The following HTR7 variants were observed in gnomAD, a reference collection of about 807,000 sequenced individuals.
HTR7 encodes 5-HT-7.
In HTR7, 16 loss-of-function variants were observed where a neutral mutation model predicts 34.0. The ratio of observed to expected loss-of-function variants is 0.47; its 90% confidence interval spans 0.32 to 0.71. The LOEUF (loss-of-function observed/expected upper bound fraction) is 0.71. Ranked by LOEUF, HTR7 falls within the 30% of genes least tolerant of loss-of-function variation. HTR7 has a pLI of 0.04. For missense variants in HTR7, 504 were observed against 625.5 expected (o/e 0.81, Z 2.07); for synonymous variants, 265 against 260.2 (o/e 1.02, Z -0.18).
At chr10:90,825,429 C>T (rs936040936) in intron 1 of HTR7, among the ~76,000 whole-genome samples, 1 of 152,198 alleles carries the variant, frequency 6.6e-6, no homozygotes, top group Non-Finnish European at 1.5e-5. Flanking sequence ...AAATACCTAA[C>T]TCTTCAATGC....
At chr10:90,827,725 A>G (rs1846100286) in intron 1 of HTR7, among the ~76,000 whole-genome samples, 1 of 152,214 alleles carries the variant, frequency 6.6e-6, no homozygotes, top group Non-Finnish European at 1.5e-5. Flanking sequence ...GTACCCAGAT[A>G]TATAAAGAAA....
At chr10:90,850,449 A>G (rs1846481042) in intron 1 of HTR7, among the ~76,000 whole-genome samples, 1 of 152,186 alleles carries the variant, frequency 6.6e-6, no homozygotes. Flanking sequence ...AAATAACATC[A>G]TCTACAGCAT....
At position 90,749,487 on chromosome 10, in the gene HTR7, G is replaced by A. The variant is rs1287740579; in HGVS notation, c.647C>T (p.Pro216Leu). 6.2e-7 allele frequency: 1 copy of A among 1,614,196 alleles called. No homozygotes were observed. The highest frequency in any genetic ancestry group is 8.5e-7 in the Non-Finnish European group (1 of 1,180,028). The change falls in exon 2 of 4, where the codon CCT becomes CTT. Residue 216 changes from proline to leucine, a missense_variant. Pro to Leu is a moderately conservative substitution (Grantham distance 98, BLOSUM62 -3). Coordinates refer to ENST00000336152, the MANE Select transcript of HTR7 (RefSeq NM_019859.4). The surrounding 1 kb of genome is among the most constrained non-coding windows in gnomAD (Gnocchi z 4.2). ...ATTCTGAGCCCATCCAAAGAGTGGA[G>A]GTAAGGTGATGGAGGCGGAGAGAAG... ...VWLLSASITLPPLFGWAQNVN... is the reference protein window; with the variant it reads ...VWLLSASITLLPLFGWAQNVN...
intron 2 of HTR7, 43 bp downstream of exon 2, chr10:90,748,796 A>T: frequency 6.5e-7 from 1 of 1,549,714 alleles, no homozygotes; most frequent in Non-Finnish European, 8.7e-7. Flanking sequence ...GCTGCATAAA[A>T]GGGTTTGGGG....
At chr10:90,795,269 A>G (rs1196181988) in intron 1 of HTR7, among the ~76,000 whole-genome samples, 1 of 152,234 alleles carries the variant, frequency 6.6e-6, no homozygotes, top group African/African-American at 2.4e-5. Flanking sequence ...TTTACAAACC[A>G]ACAACAATGC....
chr10:90,838,100 T>C (rs1484242224), intron 1 of HTR7, among the ~76,000 whole-genome samples: 1 of 152,168 alleles, frequency 6.6e-6, no homozygotes. Flanking sequence ...TGAAGTATCA[T>C]TTACAATCAC....
At chr10:90,831,583 T>G (rs1034911380) in intron 1 of HTR7, among the ~76,000 whole-genome samples, 10 of 152,246 alleles carry the variant, frequency 6.6e-5, no homozygotes, top group Non-Finnish European at 1.3e-4. Flanking sequence ...GGGTTGCCAC[T>G]GCTGGCTCGC....
intron 1 of HTR7, among the ~76,000 whole-genome samples, chr10:90,817,824 G>A (rs1845919404): frequency 6.6e-6 from 1 of 152,102 alleles, no homozygotes; most frequent in East Asian, 1.9e-4. Context: ...ATTTCAAAAT[G>A]TCTTTCAACT....
chr10:90,743,738 T>C lies in HTR7; in HGVS notation c.1296-48A>G, dbSNP rs767618766. 9.3e-6 allele frequency: 13 copies of C among 1,400,860 alleles called. No homozygotes were observed. In the East Asian group the frequency reaches 2.7e-4, roughly 29 times the overall value. The allele number at this position is 1,400,860 out of a possible 1,614,324, so 86.8% of individuals were successfully genotyped here. A position where few individuals can be genotyped will look rare whatever the true frequency, so the allele number is the denominator to read the frequency against. ...GCAAATCCATAAGTAAATCAAATTT[T>C]AAAAGAAAAAAAGAATCCTTGATTA... On this transcript the variant is annotated intron_variant, in intron 2 of 3. Coordinates refer to ENST00000336152, the MANE Select transcript of HTR7 (RefSeq NM_019859.4).
intron 1 of HTR7, among the ~76,000 whole-genome samples, chr10:90,855,872 T>A (rs113397394): frequency 1.5e-3 from 221 of 152,370 alleles, no homozygotes; most frequent in African/African-American, 5.0e-3. Context: ...AGCTACAATG[T>A]GTTTTTCTTC....
chr10:90,768,814 G>C (rs541572505), intron 1 of HTR7, among the ~76,000 whole-genome samples: 1 of 152,088 alleles, frequency 6.6e-6, no homozygotes, highest in African/African-American at 2.4e-5. Flanking sequence ...CTTCAGATGA[G>C]AAAGATCAAA....
At chr10:90,770,256 G>C (rs1845086758) in intron 1 of HTR7, among the ~76,000 whole-genome samples, 1 of 152,210 alleles carries the variant, frequency 6.6e-6, no homozygotes, top group South Asian at 2.1e-4. Context: ...GACCCTCTGA[G>C]AGCCTGCTGC....
chr10:90,765,423 C>T (rs1351434049), intron 1 of HTR7, among the ~76,000 whole-genome samples: 2 of 151,330 alleles, frequency 1.3e-5, no homozygotes, highest in South Asian at 2.1e-4. Flanking sequence ...TTAATTATTC[C>T]CTCTCATTCT....
intron 1 of HTR7, among the ~76,000 whole-genome samples, chr10:90,751,743 C>T (rs1187078361): frequency 1.3e-5 from 2 of 152,116 alleles, no homozygotes; most frequent in Non-Finnish European, 2.9e-5. Flanking sequence ...AATTAGCATG[C>T]CTGGAATTCA....
chr10:90,742,514 T>C lies in HTR7; in HGVS notation c.1408A>G (p.Thr470Ala), dbSNP rs769802405. 2 of 1,595,292 alleles carry C rather than the reference T, an allele frequency of 1.3e-6. No homozygotes were observed. Among genetic ancestry groups the C allele is most frequent in the Non-Finnish European group, 1.7e-6 (2 of 1,170,352 alleles). The stretch of plus-strand genomic sequence containing the variant: ...TGAATCATGACCTTTTTTTCTACAG[T>C]AGTCAGCATTTTGTCTAAAAAAAAG... ...HNWLADKMLT[T>A]VEKKVMIHD Residue 470 changes from threonine to alanine, a missense_variant, in exon 4 of 4, where the codon ACT (threonine) becomes GCT (alanine). Physicochemically the swap from Thr to Ala is moderately conservative, Grantham distance 58. Around this residue, in one of 4 missense-constraint regions of HTR7, gnomAD observed 154 missense variants for 212.1 expected, o/e 0.73. Transcript: ENST00000336152.
chr10:90,779,976 A>G (rs574288991), intron 1 of HTR7, among the ~76,000 whole-genome samples: 2 of 152,192 alleles, frequency 1.3e-5, no homozygotes, highest in Non-Finnish European at 2.9e-5. Context: ...CCAGCCCTGC[A>G]TGCAGGCTAG....
chr10:90,809,163 T>C (rs1845757623), intron 1 of HTR7, among the ~76,000 whole-genome samples: 2 of 152,270 alleles, frequency 1.3e-5, no homozygotes, highest in African/African-American at 4.8e-5. Flanking sequence ...TTCTCCACCC[T>C]ATAATCCTTT....
At chr10:90,796,258 G>A (rs75570896) in intron 1 of HTR7, among the ~76,000 whole-genome samples, 9,325 of 152,230 alleles carry the variant, frequency 0.061, 363 homozygotes, top group Non-Finnish European at 0.095. Flanking sequence ...ATAAATAGAT[G>A]CAAGATACTG....
intron 1 of HTR7, among the ~76,000 whole-genome samples, chr10:90,835,337 A>C (rs1410369846): frequency 6.6e-6 from 1 of 152,132 alleles, no homozygotes; most frequent in East Asian, 1.9e-4. Context: ...CTGGGAATGA[A>C]ATTGGCAGTG....
Sources: gnomAD v4.1 joint callset for allele counts (sites outside exome capture counted in the v4.1 genomes callset) on GRCh38, gnomAD v4.1.1 for gene constraint, gnomAD v4.1.1 regional missense constraint, Gnocchi (gnomAD v3.1) non-coding constraint, MANE v1.5 for transcripts, NCBI Gene and HGNC (gene_info 2026-07-23, HGNC 2026-07-21) for gene names.